The following ANKRD30A variants were observed in gnomAD, a reference collection of about 807,000 sequenced individuals.
ANKRD30A encodes ankyrin repeat domain 30A.
ANKRD30A carries 170 observed loss-of-function variants against 166.3 expected under a neutral mutation model. The ratio of observed to expected loss-of-function variants is 1.02; its 90% CI spans 0.90 to 1.16. ANKRD30A has a LOEUF of 1.16. Ranked by LOEUF, ANKRD30A falls within the 50% of genes most tolerant of loss-of-function variation. ANKRD30A has a pLI of 0.00. For synonymous variants in ANKRD30A, 564 were observed against 508.9 expected, an observed-to-expected ratio of 1.11 and a Z score of -1.46; for missense variants, 1,630 against 1,518.0, an observed-to-expected ratio of 1.07 and a Z score of -1.23.
intron 12 of ANKRD30A, among the ~76,000 whole-genome samples, chr10:37,152,370 T>A (rs1278280640): frequency 6.6e-6 from 1 of 152,102 alleles, no homozygotes; most frequent in African/African-American, 2.4e-5. Flanking sequence ...AGGCTTAGAA[T>A]TCACTAGAAA....
chr10:37,152,174 C>T lies in ANKRD30A; in HGVS notation c.1707+53C>T, dbSNP rs985183233. On this transcript the variant is annotated intron_variant, in intron 12 of 35. Coordinates refer to ENST00000361713, the MANE Select transcript of ANKRD30A (RefSeq NM_052997.3). The stretch of plus-strand genomic sequence containing the variant: ...ATATTAGTATTGCATGATATGAAAA[C>T]ATAAAGGCAGAGGCTTAGGCTTTAT... 4.0e-5 allele frequency: 57 copies of T among 1,428,282 alleles called. 1 individual carries two copies. Among genetic ancestry groups the T allele is most frequent in the Non-Finnish European group, 5.1e-5 (52 of 1,026,306 alleles). The allele number at this position is 1,428,282 out of a possible 1,614,324, so 88.5% of individuals were successfully genotyped here.
chr10:37,231,423 A>G (rs1564602991), intron 34 of ANKRD30A, 38 bp from the exon 35 acceptor site: 3 of 1,558,094 alleles, frequency 1.9e-6, no homozygotes, highest in Non-Finnish European at 2.6e-6. Context: ...GTAGGAAAAA[A>G]TAAAATACTA....
At chr10:37,264,565 C>A in the ANKRD30A span, 2 of 465,966 alleles carry the variant, frequency 4.3e-6, no homozygotes, top group South Asian at 4.3e-5. Flanking sequence ...GCATGCTGAC[C>A]AGTCTGGTGT....
At position 37,219,054 on chromosome 10, in the gene ANKRD30A, A is replaced by C. The variant is rs35138017; in HGVS notation, c.3342A>C (p.Leu1114=). The C allele has an allele frequency of 0.046, 74,082 of 1,606,470 alleles. 2,096 individuals are homozygous for C. The highest frequency in any genetic ancestry group is 0.068 in the South Asian group (6,141 of 89,906). ...TGTTGAAAAAGGAAATTGCCATGCT[A>C]AAACTGGAAATAGCCACACTGAAAC... The part of the protein sequence containing the change: ...NCMLKKEIAM[L]KLEIATLKHQ... Residue 1114 remains leucine, a synonymous_variant, in exon 34 of 36, where the codon CTA becomes CTC. Coordinates refer to ENST00000361713, the MANE Select transcript of ANKRD30A (RefSeq NM_052997.3).
chr10:37,200,818 T>C (rs556799960), intron 30 of ANKRD30A, among the ~76,000 whole-genome samples: 6 of 152,086 alleles, frequency 3.9e-5, no homozygotes, highest in Non-Finnish European at 8.8e-5. Flanking sequence ...ATTAGACAAT[T>C]GTATGATCAT....
chr10:37,205,775 T>A (rs1296768798), intron 31 of ANKRD30A, among the ~76,000 whole-genome samples: 1 of 152,170 alleles, frequency 6.6e-6, no homozygotes, highest in African/African-American at 2.4e-5. Context: ...CTTTAAGAAA[T>A]GAGCTATAAA....
chr10:37,235,637 T>G (rs367955563), downstream of ANKRD30A, among the ~76,000 whole-genome samples: 32 of 152,280 alleles, frequency 2.1e-4, 1 homozygote, highest in East Asian at 2.7e-3. Flanking sequence ...ACAGCAATAT[T>G]TTAAACTTAT....
intron 31 of ANKRD30A, among the ~76,000 whole-genome samples, chr10:37,203,232 C>T (rs1219176531): frequency 6.6e-6 from 1 of 152,116 alleles, no homozygotes; most frequent in Non-Finnish European, 1.5e-5. Flanking sequence ...TGCAAAAATC[C>T]TCAATAAAAT....
At chr10:37,200,967 C>G (rs753674902) in intron 30 of ANKRD30A, among the ~76,000 whole-genome samples, 16 of 151,970 alleles carry the variant, frequency 1.1e-4, no homozygotes, top group Non-Finnish European at 2.2e-4. Context: ...TTGAAATATG[C>G]ACGATTGAAT....
At chr10:37,129,866 T>G (rs1335328199) in intron 1 of ANKRD30A, 27 bp from the exon 2 acceptor site, 1 of 1,417,638 alleles carries the variant, frequency 7.1e-7, no homozygotes, top group East Asian at 2.6e-5. Context: ...GACTAAACTT[T>G]GCCAAAAAGT....
At chr10:37,237,937 A>C in the ANKRD30A span, among the ~76,000 whole-genome samples, 5 of 152,204 alleles carry the variant, frequency 3.3e-5, no homozygotes, top group African/African-American at 1.2e-4. Context: ...GTGTGGATTT[A>C]ATAGGAAAGA....
intron 5 of ANKRD30A, among the ~76,000 whole-genome samples, chr10:37,135,563 A>G (rs1273787007): frequency 8.5e-5 from 13 of 152,228 alleles, no homozygotes; most frequent in Admixed American, 7.9e-4. Flanking sequence ...ACCAACTTGC[A>G]TCTTCTTTGT....
chr10:37,192,363 G>A (rs1256145826), intron 25 of ANKRD30A, among the ~76,000 whole-genome samples: 2 of 152,006 alleles, frequency 1.3e-5, no homozygotes, highest in Non-Finnish European at 2.9e-5. Context: ...TTGTTGATGG[G>A]TATGCTTGGA....
intron 6 of ANKRD30A, among the ~76,000 whole-genome samples, chr10:37,137,076 G>C (rs1228622396): frequency 6.6e-6 from 1 of 151,728 alleles, no homozygotes; most frequent in Non-Finnish European, 1.5e-5. Flanking sequence ...ATAACCCTTG[G>C]GGTGATTGAT....
Position 37,162,550 on chromosome 10 carries a change from T to G in ANKRD30A, c.1901-99T>G. ...AAATCTAAAGTATTCATTCTCCAAT[T>G]GGAGCAAGAGGAGTCAGTTAAATAC... is the stretch of plus-strand genomic sequence containing the variant. On this transcript the variant is annotated intron_variant, in intron 15 of 35. Coordinates refer to ENST00000361713, the MANE Select transcript of ANKRD30A (RefSeq NM_052997.3). 2.0e-6 allele frequency: 3 copies of G among 1,485,716 alleles called. No homozygotes were observed. In the South Asian group the frequency reaches 3.4e-5, roughly 17 times the overall value. 92.0% of individuals were successfully genotyped at this position (1,485,716 alleles called of 1,614,324 possible). A position where few individuals can be genotyped will look rare whatever the true frequency, so the allele number is the denominator to read the frequency against.
At chr10:37,210,953 C>T (rs532075689) in intron 31 of ANKRD30A, among the ~76,000 whole-genome samples, 10 of 151,958 alleles carry the variant, frequency 6.6e-5, no homozygotes, top group African/African-American at 1.2e-4. Flanking sequence ...TTTGCTGTGC[C>T]GAAGCTCTTT....
intron 31 of ANKRD30A, among the ~76,000 whole-genome samples, chr10:37,203,038 C>A (rs1564564487): frequency 6.6e-6 from 1 of 152,122 alleles, no homozygotes; most frequent in African/African-American, 2.4e-5. Context: ...AGATTCCCAG[C>A]CAAATTCTAC....
rs1841220394 is a variant in ANKRD30A, at chr10:37,197,395, C to T, written c.2644-13C>T. ...CATTCTTTATTAATCATTTTGCTTC[C>T]AACCCCATTTAGCCTGCCATTGAAA... On this transcript the variant is annotated splice_polypyrimidine_tract_variant and intron_variant, in intron 28 of 35. Transcript: ENST00000361713. 2 of 1,612,424 alleles carry T rather than the reference C, an allele frequency of 1.2e-6. No individual in the cohort carries two copies. Among genetic ancestry groups the T allele is most frequent in the Admixed American group, 3.3e-5 (2 of 59,970 alleles).
At chr10:37,231,205 G>A (rs769411092) in intron 34 of ANKRD30A, among the ~76,000 whole-genome samples, 5 of 151,422 alleles carry the variant, frequency 3.3e-5, no homozygotes, top group African/African-American at 7.3e-5. Context: ...TTTCTACATA[G>A]TGAAATAGTC....
Sources: allele counts gnomAD v4.1 joint callset (sites outside exome capture counted in the v4.1 genomes callset), GRCh38; gene constraint gnomAD v4.1.1; transcripts MANE v1.5; gene names NCBI Gene and HGNC (gene_info 2026-07-23, HGNC 2026-07-21).